Variants in PACS1 observed in about 807,000 individuals in gnomAD.
The protein encoded by PACS1 is phosphofurin acidic cluster sorting protein 1.
Under a neutral mutation model 115.0 loss-of-function variants are expected in PACS1, and 24 were observed. The ratio of observed to expected loss-of-function variants is 0.21; its 90% CI spans 0.15 to 0.29. The LOEUF is 0.29. PACS1 is among the 10% of genes least tolerant of loss of function. The probability of loss-of-function intolerance (pLI) is 1.00; values close to 1 mark genes in which losing one functional copy is unlikely to be tolerated. For missense variants in PACS1, 838 were observed against 1,251.2 expected (o/e 0.67, Z 4.98); for synonymous variants, 453 against 504.5 (o/e 0.90, Z 1.37).
At chr11:66,218,109 C>G (rs1393656098) in intron 7 of PACS1, 6 of 152,578 alleles carry the variant, frequency 3.9e-5, no homozygotes, top group Non-Finnish European at 8.8e-5. Context: ...ACCAAGAACA[C>G]AGATGTACTT....
chr11:66,211,907 G>A (rs1426221133), intron 4 of PACS1, among the ~76,000 whole-genome samples: 2 of 152,010 alleles, frequency 1.3e-5, no homozygotes, highest in Non-Finnish European at 2.9e-5. Context: ...GCAGCCCCTC[G>A]GTTTTCCTTA....
intron 1 of PACS1, among the ~76,000 whole-genome samples, chr11:66,168,645 T>A (rs1364426589): frequency 6.7e-6 from 1 of 150,242 alleles, no homozygotes; most frequent in Non-Finnish European, 1.5e-5. Flanking sequence ...TATTTCTACT[T>A]CATAGGGGCA....
At chr11:66,135,845 C>T (rs1169343477) in intron 1 of PACS1, among the ~76,000 whole-genome samples, 3 of 152,080 alleles carry the variant, frequency 2.0e-5, no homozygotes, top group Middle Eastern at 3.4e-3. Context: ...TTAGTAGAGA[C>T]GGGGTTTCAC....
At chr11:66,228,951 G>A (rs535265381) in intron 11 of PACS1, among the ~76,000 whole-genome samples, 2 of 152,224 alleles carry the variant, frequency 1.3e-5, no homozygotes, top group African/African-American at 2.4e-5. Flanking sequence ...TGTGCGGCCT[G>A]TATTGGTAGC....
At chr11:66,229,563 CA>C (rs1855539456) in intron 11 of PACS1, among the ~76,000 whole-genome samples, 1 of 151,800 alleles carries the variant, frequency 6.6e-6, no homozygotes, top group African/African-American at 2.4e-5. Context: ...CCTGTAGTCC[CA>C]GCAACTCGGG....
chr11:66,144,926 C>T (rs1378947897), intron 1 of PACS1, among the ~76,000 whole-genome samples: 9 of 152,232 alleles, frequency 5.9e-5, no homozygotes, highest in Admixed American at 2.6e-4. Flanking sequence ...TGAGCCATCA[C>T]GCCAGGCCTG....
At chr11:66,173,091 G>GGTT (rs201056842) in intron 1 of PACS1, among the ~76,000 whole-genome samples, 13 of 142,492 alleles carry the variant, frequency 9.1e-5, no homozygotes, top group East Asian at 6.0e-4. Flanking sequence ...TTTGATTTTG[G>GGTT]TTTTTTTTTT....
chr11:66,113,600 A>C (rs977918159), intron 1 of PACS1, among the ~76,000 whole-genome samples: 1 of 152,228 alleles, frequency 6.6e-6, no homozygotes, highest in African/African-American at 2.4e-5. Context: ...TTAAACTCTC[A>C]GTTCCTTTCG....
At chr11:66,104,062 A>C (rs1857979894) in intron 1 of PACS1, among the ~76,000 whole-genome samples, 1 of 152,150 alleles carries the variant, frequency 6.6e-6, no homozygotes, top group Admixed American at 6.5e-5. Context: ...CAATACCATT[A>C]TCTCTCCTAA....
chr11:66,193,450 C>A, intron 1 of PACS1, 36 bp from the exon 2 acceptor site: 1 of 1,429,252 alleles, frequency 7.0e-7, no homozygotes, highest in Non-Finnish European at 9.9e-7. Flanking sequence ...GCAAGTTCCT[C>A]GCATATGACA....
At chr11:66,232,147 G>A in intron 13 of PACS1, 25 bp from the exon 14 acceptor site, 1 of 1,512,072 alleles carries the variant, frequency 6.6e-7, no homozygotes, top group Non-Finnish European at 9.2e-7. Context: ...TCCCTAACAA[G>A]AGACACTTTC....
At chr11:66,129,532 G>A (rs1165451019) in intron 1 of PACS1, among the ~76,000 whole-genome samples, 1 of 150,908 alleles carries the variant, frequency 6.6e-6, no homozygotes, top group Non-Finnish European at 1.5e-5. Context: ...GGCTGGTCTC[G>A]AACTCCTGGG....
intron 1 of PACS1, among the ~76,000 whole-genome samples, chr11:66,149,240 C>T (rs1295026781): frequency 1.3e-5 from 2 of 151,682 alleles, no homozygotes; most frequent in African/African-American, 4.8e-5. Context: ...TACAGGCGTG[C>T]GCCACCACAC....
chr11:66,156,321 C>T (rs1168129142), intron 1 of PACS1, among the ~76,000 whole-genome samples: 1 of 144,334 alleles, frequency 6.9e-6, no homozygotes, highest in Non-Finnish European at 1.5e-5. Context: ...TGTGTGATCT[C>T]GGCTCACTGC....
Position 66,243,423 on chromosome 11 carries a change from A to C in PACS1, c.*143A>C, listed in dbSNP as rs549044704. The C allele has an allele frequency of 2.2e-5, 14 of 628,486 alleles. No individual in the cohort carries two copies. Among genetic ancestry groups the C allele is most frequent in the African/African-American group, 7.3e-5 (4 of 54,698 alleles). 38.9% of individuals were successfully genotyped at this position (628,486 alleles called of 1,614,324 possible). A position where few individuals can be genotyped will look rare whatever the true frequency, so the allele number is the denominator to read the frequency against. On this transcript the variant is annotated 3_prime_UTR_variant, in exon 24 of 24. Transcript: ENST00000320580. ...CTCACTCGCCCAGGTCCCGAAGGACACTGCCACAGGGACGCCTTCCCTCCC... is the reference window on the plus strand; with the variant it reads ...CTCACTCGCCCAGGTCCCGAAGGACCCTGCCACAGGGACGCCTTCCCTCCC...
rs1162472902 is a variant in PACS1, at chr11:66,134,254, C to CT, written c.357-59207dup. Among the ~76,000 whole-genome samples, 577 of 75,028 alleles carry CT rather than the reference C, an allele frequency of 7.7e-3. 53 individuals carry two copies. The highest frequency in any genetic ancestry group is 0.018 in the African/African-American group (333 of 18,730). The allele number at this position is 75,028 out of a possible 152,430, so 49.2% of individuals were successfully genotyped here. On this transcript the variant is annotated intron_variant, in intron 1 of 23. Transcript: ENST00000320580. ...TAAATTTCTTTTTCTTTTTCTTTTT[C>CT]TTTTTTTTTTTTTTTTTTTTTTTTT...
At chr11:66,181,152 T>A (rs1293593150) in intron 1 of PACS1, among the ~76,000 whole-genome samples, 1 of 151,912 alleles carries the variant, frequency 6.6e-6, no homozygotes, top group Non-Finnish European at 1.5e-5. Context: ...ATATATTTTT[T>A]AAATTATGTT....
In PACS1 at chr11:66,180,054, C is replaced by A. The variant is rs567157045; in HGVS notation, c.357-13432C>A. Among the ~76,000 whole-genome samples, 6 of 152,052 alleles carry A rather than the reference C, an allele frequency of 3.9e-5. No homozygotes were observed. The South Asian group carries it at 1.2e-3, about 32-fold the overall frequency. On this transcript the variant is annotated intron_variant, in intron 1 of 23. Transcript: ENST00000320580. ...ATGGGGTTTCACCATGTTGGCCAAG[C>A]TGGTCTCAAACTCCTGATCTCAGGT... is the stretch of plus-strand genomic sequence containing the variant.
intron 1 of PACS1, among the ~76,000 whole-genome samples, chr11:66,181,923 A>G (rs777738403): frequency 6.6e-6 from 1 of 152,226 alleles, no homozygotes; most frequent in African/African-American, 2.4e-5. Context: ...AGCAAAGTTT[A>G]AGGAAGGCAG....
Sources: gnomAD v4.1 joint callset for allele counts (sites outside exome capture counted in the v4.1 genomes callset) on GRCh38, gnomAD v4.1.1 for gene constraint, MANE v1.5 for transcripts, NCBI Gene and HGNC (gene_info 2026-07-23, HGNC 2026-07-21) for gene names.